The following ASXL1 variants were observed in gnomAD, a reference collection of about 807,000 sequenced individuals.
The protein encoded by ASXL1 is polycomb group protein ASXL1.
In ASXL1, 65 loss-of-function variants were observed where a neutral mutation model predicts 89.1. The ratio of observed to expected loss-of-function variants is 0.73; its 90% CI spans 0.60 to 0.90. The LOEUF (loss-of-function observed/expected upper bound fraction) is 0.90. Among genes scored for constraint, ASXL1 ranks in the 40% least tolerant of loss-of-function variants. The pLI, the probability that ASXL1 is intolerant of heterozygous loss-of-function variation, is 0.00. For synonymous variants in ASXL1, 739 were observed against 746.9 expected, an observed-to-expected ratio of 0.99 and a Z score of 0.17; for missense variants, 1,786 against 1,942.9, an observed-to-expected ratio of 0.92 and a Z score of 1.52.
rs758616409 is a variant in ASXL1, at chr20:32,431,457, C to T, written c.855C>T (p.Leu285=). ...ALPSHFQQQL[L]FLLPEVDRQV... Reference sequence around the variant, plus strand: ...CATCACACTTCCAGCAGCAGCTCCTCTTCCTCCTGCCTGAAGTAGACAGAC... The same window carrying T: ...CATCACACTTCCAGCAGCAGCTCCTTTTCCTCCTGCCTGAAGTAGACAGAC... The change falls in exon 9 of 13, where the codon CTC becomes CTT. Residue 285 remains leucine (L), a synonymous_variant. Transcript: ENST00000375687. The T allele has an allele frequency of 6.2e-7, 1 of 1,614,216 alleles. No individual in the cohort carries two copies. Among genetic ancestry groups the T allele is most frequent in the South Asian group, 1.1e-5 (1 of 91,082 alleles).
At position 32,435,610 on chromosome 20, in the gene ASXL1, A is replaced by G. The variant is rs954049114; in HGVS notation, c.2898A>G (p.Gly966=). ...CACTCTGGACTGTGCCATCTCGAGG[A>G]GGCAGTGACAGCAATGGCAGTTACT... ...LTSLWTVPSR[G]GSDSNGSYCQ... is the part of the protein sequence containing the mutation. The change falls in exon 13 of 13, where the codon GGA becomes GGG. Residue 966 remains glycine, a synonymous_variant. Coordinates refer to ENST00000375687, the MANE Select transcript of ASXL1 (RefSeq NM_015338.6). 1 of 1,614,058 alleles carries G rather than the reference A, an allele frequency of 6.2e-7. No homozygotes were observed. Among genetic ancestry groups the G allele is most frequent in the Non-Finnish European group, 8.5e-7 (1 of 1,180,008 alleles).
chr20:32,417,077 CTGA>C (rs2049150370), intron 4 of ASXL1, among the ~76,000 whole-genome samples: 1 of 152,162 alleles, frequency 6.6e-6, no homozygotes, highest in African/African-American at 2.4e-5. Context: ...TGTCAAAACT[CTGA>C]TGTAGATTGA....
At position 32,436,456 on chromosome 20, in the gene ASXL1, T is replaced by C. The variant is rs1017449909; in HGVS notation, c.3744T>C (p.Ala1248=). 18 of 1,614,002 alleles carry C rather than the reference T, an allele frequency of 1.1e-5. No individual in the cohort carries two copies. Among genetic ancestry groups the C allele is most frequent in the African/African-American group, 2.7e-5 (2 of 74,928 alleles). The part of the protein sequence containing the change: ...FSCEDQKEVR[A]MSQDSNSNAA... ...GTGAAGATCAGAAGGAAGTCCGTGCTATGTCACAGGACAGTAATTCAAATG... is the reference window on the plus strand; with the variant it reads ...GTGAAGATCAGAAGGAAGTCCGTGCCATGTCACAGGACAGTAATTCAAATG... Residue 1248 remains alanine (A), a synonymous_variant, in exon 13 of 13, where the codon GCT becomes GCC. Coordinates refer to ENST00000375687, the MANE Select transcript of ASXL1 (RefSeq NM_015338.6).
chr20:32,392,876 G>C (rs910689573), intron 4 of ASXL1, among the ~76,000 whole-genome samples: 24 of 152,032 alleles, frequency 1.6e-4, no homozygotes, highest in Non-Finnish European at 3.1e-4. Context: ...ATTGAGACTT[G>C]TTTTATGGAT....
rs1274990710 is a variant in ASXL1, at chr20:32,431,423, A to T, written c.821A>T (p.His274Leu). Residue 274 changes from histidine to leucine, a missense_variant, in exon 9 of 13, where the codon CAT becomes CTT. Physicochemically the swap from His to Leu is moderately conservative, Grantham distance 99. Around this residue, in one of 3 missense-constraint regions of ASXL1, gnomAD observed 332 missense variants for 449.7 expected, o/e 0.74. Transcript: ENST00000375687. The stretch of plus-strand genomic sequence containing the variant: ...GCCCTGATCAACTCTCGGACCTTCC[A>T]TGCCTTACCATCACACTTCCAGCAG... ...LRALINSRTF[H>L]ALPSHFQQQL... The T allele has an allele frequency of 1.9e-6, 3 of 1,614,058 alleles. No homozygotes were observed. Among genetic ancestry groups the T allele is most frequent in the Non-Finnish European group, 2.5e-6 (3 of 1,180,042 alleles).
intron 5 of ASXL1, 28 bp downstream of exon 5, chr20:32,428,276 G>A: frequency 6.2e-7 from 1 of 1,614,138 alleles, no homozygotes; most frequent in Non-Finnish European, 8.5e-7. Context: ...GATGGGTGAG[G>A]GAGCCACAGC....
At chr20:32,403,344 C>T (rs7270039) in intron 4 of ASXL1, among the ~76,000 whole-genome samples, 2,027 of 152,266 alleles carry the variant, frequency 0.013, 36 homozygotes, top group African/African-American at 0.045. Context: ...GTTATTCCTC[C>T]ACCTTCGTTT....
At chr20:32,378,899 G>C (rs1471813778) in intron 4 of ASXL1, among the ~76,000 whole-genome samples, 1 of 151,744 alleles carries the variant, frequency 6.6e-6, no homozygotes, top group African/African-American at 2.4e-5. Context: ...AGGCGGAGGC[G>C]GGCGGATCAC....
intron 4 of ASXL1, among the ~76,000 whole-genome samples, chr20:32,371,229 C>T (rs1282962287): frequency 2.0e-5 from 3 of 152,082 alleles, no homozygotes; most frequent in South Asian, 2.1e-4. Flanking sequence ...AAATGATAGC[C>T]TTTATGATGA....
chr20:32,410,042 C>T (rs1049169025), intron 4 of ASXL1, among the ~76,000 whole-genome samples: 2 of 152,102 alleles, frequency 1.3e-5, no homozygotes, highest in Non-Finnish European at 2.9e-5. Context: ...TCAGCATGTC[C>T]TCCTCAGTAC....
At chr20:32,372,323 G>T in intron 4 of ASXL1, 1 of 1,185,916 alleles carries the variant, frequency 8.4e-7, no homozygotes, top group Non-Finnish European at 1.1e-6. Context: ...CATCTTAACT[G>T]CCTTTGGCTT....
intron 4 of ASXL1, among the ~76,000 whole-genome samples, chr20:32,394,417 G>A (rs562302294): frequency 6.6e-6 from 1 of 152,278 alleles, no homozygotes; most frequent in South Asian, 2.1e-4. Context: ...CATTACAGGA[G>A]TGAGCTACGC....
At chr20:32,400,661 C>T (rs999081270) in intron 4 of ASXL1, among the ~76,000 whole-genome samples, 2 of 152,190 alleles carry the variant, frequency 1.3e-5, no homozygotes, top group East Asian at 3.8e-4. Flanking sequence ...CTCTCTAGAT[C>T]TCCTCAGCCC....
At chr20:32,402,214 G>T (rs1225291646) in intron 4 of ASXL1, among the ~76,000 whole-genome samples, 1 of 152,112 alleles carries the variant, frequency 6.6e-6, no homozygotes, top group Non-Finnish European at 1.5e-5. Flanking sequence ...TTCTTCCATT[G>T]AGAGCATTTC....
Position 32,429,818 on chromosome 20 carries a change from G to T in ASXL1, c.566-83G>T. The T allele has an allele frequency of 6.5e-7, 1 of 1,541,008 alleles. No individual in the cohort carries two copies. On this transcript the variant is annotated intron_variant, in intron 7 of 12. Transcript: ENST00000375687. This position sits in a 1 kb window ranked among gnomAD's most constrained non-coding sequence, Gnocchi z 4.9. ...CCAGTATTGCTGGCAGCATCTCAGG[G>T]AGAGCTGGGAGAAATGAGCTTGTCT...
rs1469281991 is a variant in ASXL1, at chr20:32,428,376, G to A, written c.425G>A (p.Ser142Asn). 6.2e-7 allele frequency: 1 copy of A among 1,614,124 alleles called. No individual in the cohort carries two copies. The highest frequency in any genetic ancestry group is 8.5e-7 in the Non-Finnish European group (1 of 1,180,020). Residue 142 changes from serine (S) to asparagine (N), a missense_variant, in exon 6 of 13, where the codon AGT (serine) becomes AAT (asparagine). Transcript: ENST00000375687. ...GCATCCTGTTCTACAGAATCTCAGA[G>A]TCGACCTCTTTCCAATCCCAGGGAC... ...SNASCSTESQ[S>N]RPLSNPRDSY...
Position 32,411,215 on chromosome 20 carries a change from C to CTTTTTTTT in ASXL1, c.253-16894_253-16887dup, listed in dbSNP as rs71187118. 3.2e-4 allele frequency among the ~76,000 whole-genome samples: 17 copies of CTTTTTTTT among 53,440 alleles called. 3 individuals carry two copies. The highest frequency in any genetic ancestry group is 4.2e-4 in the Non-Finnish European group (13 of 31,322). 35.1% of individuals were successfully genotyped at this position (53,440 alleles called of 152,430 possible). On this transcript the variant is annotated intron_variant, in intron 4 of 12. Coordinates refer to ENST00000375687, the MANE Select transcript of ASXL1 (RefSeq NM_015338.6). ...TTTATTCGTTGTGAATTTATGGATT[C>CTTTTTTTT]TTTTTTTTTTTTTTTTTTTTTTTTT...
At position 32,381,956 on chromosome 20, in the gene ASXL1, CT is replaced by C. The variant is rs11482197; in HGVS notation, c.252+12849del. On this transcript the variant is annotated intron_variant, in intron 4 of 12. Coordinates refer to ENST00000375687, the MANE Select transcript of ASXL1 (RefSeq NM_015338.6). ...CTTTGAAGAATCTTTTTTTTCTTGC[CT>C]TTTTTTTTTTTTTTTGAGACAGAAT... Among the ~76,000 whole-genome samples, 765 of 113,652 alleles carry C rather than the reference CT, an allele frequency of 6.7e-3. 6 individuals are homozygous for C. Among genetic ancestry groups the C allele is most frequent in the South Asian group, 0.04 (141 of 3,486 alleles). 74.6% of individuals were successfully genotyped at this position (113,652 alleles called of 152,430 possible). A position where few individuals can be genotyped will look rare whatever the true frequency, so the allele number is the denominator to read the frequency against.
chr20:32,437,567 C>G lies in ASXL1; in HGVS notation c.*229C>G, dbSNP rs2012000462. 3.3e-6 allele frequency: 2 copies of G among 611,626 alleles called. No homozygotes were observed. The highest frequency in any genetic ancestry group is 4.6e-4 in the Middle Eastern group (1 of 2,188). The allele number at this position is 611,626 out of a possible 1,614,324, so 37.9% of individuals were successfully genotyped here. A position where few individuals can be genotyped will look rare whatever the true frequency, so the allele number is the denominator to read the frequency against. On this transcript the variant is annotated 3_prime_UTR_variant, in exon 13 of 13. Transcript: ENST00000375687. ...ATTGGGCTGCCCAAGGCCAGCCAGC[C>G]TGAGCTCTCCTGCAAGACAGAGCCT...
Sources: gnomAD v4.1 joint callset for allele counts (sites outside exome capture counted in the v4.1 genomes callset) on GRCh38, gnomAD v4.1.1 for gene constraint, gnomAD v4.1.1 regional missense constraint, Gnocchi (gnomAD v3.1) non-coding constraint, MANE v1.5 for transcripts, NCBI Gene and HGNC (gene_info 2026-07-23, HGNC 2026-07-21) for gene names.